The following SLC23A2 variants were observed in gnomAD, a reference collection of about 807,000 sequenced individuals.
SLC23A2 encodes solute carrier family 23 member 2, also known as Na(+)/L-ascorbic acid transporter 2.
A neutral mutation model predicts 73.3 loss-of-function variants in SLC23A2; 36 were observed. That is an observed-to-expected ratio of 0.49 (90% confidence interval 0.38 to 0.65). The LOEUF is 0.65. Among genes scored for constraint, SLC23A2 ranks in the 30% least tolerant of loss-of-function variants. The pLI is 0.00. For missense variants in SLC23A2, 507 were observed against 841.6 expected (o/e 0.60, Z 4.92); for synonymous variants, 343 against 327.3 (o/e 1.05, Z -0.52).
At position 4,925,515 on chromosome 20, in the gene SLC23A2, G is replaced by A. The variant is rs905561834; in HGVS notation, c.108+6940C>T. Among the ~76,000 whole-genome samples, 8 of 152,250 alleles carry A rather than the reference G, an allele frequency of 5.3e-5. 1 individual carries two copies. The highest frequency in any genetic ancestry group is 1.9e-4 in the African/African-American group (8 of 41,532). ...CAAAGCAGGTGCCCAATAACCATCT[G>A]CTGAATGGAAGAATTCCTTTCCTCC... On this transcript the variant is annotated intron_variant, in intron 3 of 16. Transcript: ENST00000338244.
At chr20:4,927,617 C>T (rs893338271) in intron 3 of SLC23A2, among the ~76,000 whole-genome samples, 3 of 152,180 alleles carry the variant, frequency 2.0e-5, no homozygotes, top group African/African-American at 7.2e-5. Context: ...CTTCCATCTT[C>T]CCCACCCTCC....
chr20:4,874,170 GGAA>G, intron 10 of SLC23A2, 78 bp from the exon 11 acceptor site: 1 of 1,395,500 alleles, frequency 7.2e-7, no homozygotes, highest in East Asian at 2.3e-5. Flanking sequence ...TCCCGCGGTC[GGAA>G]TATCACACCC....
intron 6 of SLC23A2, 38 bp from the exon 7 acceptor site, chr20:4,885,947 G>A (rs139616286): frequency 6.6e-5 from 92 of 1,385,284 alleles, no homozygotes; most frequent in Non-Finnish European, 8.8e-5. Context: ...TCACGGCATC[G>A]GGAACTACCG....
intron 1 of SLC23A2, among the ~76,000 whole-genome samples, chr20:4,972,487 A>C (rs947522441): frequency 1.3e-5 from 2 of 152,046 alleles, no homozygotes; most frequent in Admixed American, 6.6e-5. Context: ...ATGCAAGGAA[A>C]AAAAAAGTAG....
At chr20:4,979,672 T>C (rs1351636819) in intron 1 of SLC23A2, among the ~76,000 whole-genome samples, 1 of 152,228 alleles carries the variant, frequency 6.6e-6, no homozygotes, top group Admixed American at 6.5e-5. Flanking sequence ...AGCATTATTT[T>C]AGCAGACAAG....
chr20:4,986,689 C>CACACACACAGAGAG lies in SLC23A2; in HGVS notation c.-282+14716_-282+14717insCTCTCTGTGTGTGT, dbSNP rs71197739. On this transcript the variant is annotated intron_variant, in intron 1 of 16. Transcript: ENST00000338244. ...ACACACACACACACACACACACACACAGAGATGAATATAAATAGAGAGAAG... is the reference window on the plus strand; with the variant it reads ...ACACACACACACACACACACACACACACACACACAGAGAGAGAGATGAATATAAATAGAGAGAAG... 3.2e-4 allele frequency among the ~76,000 whole-genome samples: 41 copies of CACACACACAGAGAG among 129,962 alleles called. 1 individual carries two copies. Among genetic ancestry groups the CACACACACAGAGAG allele is most frequent in the East Asian group, 2.6e-3 (11 of 4,190 alleles). The allele number at this position is 129,962 out of a possible 152,430, so 85.3% of individuals were successfully genotyped here. A position where few individuals can be genotyped will look rare whatever the true frequency, so the allele number is the denominator to read the frequency against.
intron 2 of SLC23A2, among the ~76,000 whole-genome samples, chr20:4,960,459 C>T (rs1225997344): frequency 6.6e-6 from 1 of 152,136 alleles, no homozygotes; most frequent in East Asian, 1.9e-4. Context: ...GTTCATTATG[C>T]TATGTCAAGA....
intron 1 of SLC23A2, among the ~76,000 whole-genome samples, chr20:4,973,119 T>C (rs1339243353): frequency 2.6e-5 from 4 of 152,348 alleles, no homozygotes; most frequent in Admixed American, 2.6e-4. Context: ...GATAATTACA[T>C]AGTATGCATT....
At chr20:4,965,210 T>C (rs1313147724) in intron 2 of SLC23A2, among the ~76,000 whole-genome samples, 2 of 152,042 alleles carry the variant, frequency 1.3e-5, no homozygotes, top group Non-Finnish European at 2.9e-5. Flanking sequence ...GGAGCCTAAA[T>C]TTATCATTCC....
chr20:4,907,130 C>T (rs1282753278), intron 4 of SLC23A2, among the ~76,000 whole-genome samples: 1 of 152,272 alleles, frequency 6.6e-6, no homozygotes, highest in African/African-American at 2.4e-5. Context: ...CTGAGGAATA[C>T]CACACAGCGA....
intron 3 of SLC23A2, among the ~76,000 whole-genome samples, chr20:4,919,511 G>A (rs1282393514): frequency 5.9e-5 from 9 of 152,310 alleles, no homozygotes; most frequent in Non-Finnish European, 8.8e-5. Context: ...AGCAGAGCTC[G>A]GGCGGGTGAT....
intron 3 of SLC23A2, among the ~76,000 whole-genome samples, chr20:4,915,953 A>G (rs1932308238): frequency 6.6e-6 from 1 of 152,220 alleles, no homozygotes; most frequent in Non-Finnish European, 1.5e-5. Context: ...ATCTCAACAA[A>G]TAAAAAATAA....
At chr20:5,000,264 A>G (rs998075500) in intron 1 of SLC23A2, among the ~76,000 whole-genome samples, 3 of 152,132 alleles carry the variant, frequency 2.0e-5, no homozygotes, top group Non-Finnish European at 4.4e-5. Context: ...GTAGACAACC[A>G]GAAACGGTGA....
chr20:4,982,944 A>T (rs2087749652), intron 1 of SLC23A2, among the ~76,000 whole-genome samples: 1 of 152,058 alleles, frequency 6.6e-6, no homozygotes, highest in African/African-American at 2.4e-5. Flanking sequence ...TGTCTCTACT[A>T]AAAATACAAA....
intron 2 of SLC23A2, among the ~76,000 whole-genome samples, chr20:4,933,451 TA>T (rs113618856): frequency 0.14 from 20,098 of 145,726 alleles, 1,596 homozygotes; most frequent in African/African-American, 0.21. Flanking sequence ...CCGTCTCTAC[TA>T]AAAAAAAAAA....
intron 2 of SLC23A2, among the ~76,000 whole-genome samples, chr20:4,966,936 TG>T (rs11087665): frequency 0.4 from 60,554 of 151,020 alleles, 12,392 homozygotes; most frequent in Admixed American, 0.48. Context: ...GATTACATGA[TG>T]GGGAGCAGGT....
intron 4 of SLC23A2, among the ~76,000 whole-genome samples, chr20:4,903,421 T>A (rs930417696): frequency 7.2e-5 from 11 of 152,188 alleles, no homozygotes; most frequent in Non-Finnish European, 2.9e-5. Context: ...ACACAAATAA[T>A]CTTTCCTTGG....
At position 4,855,274 on chromosome 20, in the gene SLC23A2, A is replaced by T. The variant is rs1929672634; in HGVS notation, c.*1698T>A. The T allele has an allele frequency of 6.6e-6, 1 of 152,352 alleles. No homozygotes were observed. The highest frequency in any genetic ancestry group is 1.5e-5 in the Non-Finnish European group (1 of 68,122). The allele number at this position is 152,352 out of a possible 1,614,324, so 9.4% of individuals were successfully genotyped here. A position where few individuals can be genotyped will look rare whatever the true frequency, so the allele number is the denominator to read the frequency against. On this transcript the variant is annotated 3_prime_UTR_variant, in exon 17 of 17. Transcript: ENST00000338244. ...CGCCGCAGCACTGGAGAGCTGAGCC[A>T]GCCTGGGGCCGAGGGGGACAGGAAT... is the stretch of plus-strand genomic sequence containing the variant.
intron 3 of SLC23A2, among the ~76,000 whole-genome samples, chr20:4,926,480 G>A (rs1185625669): frequency 6.6e-6 from 1 of 150,940 alleles, no homozygotes; most frequent in African/African-American, 2.4e-5. Flanking sequence ...AATGTCCCTA[G>A]GGTACGATCG....
Sources: allele counts gnomAD v4.1 joint callset (sites outside exome capture counted in the v4.1 genomes callset), GRCh38; gene constraint gnomAD v4.1.1; transcripts MANE v1.5; gene names NCBI Gene and HGNC (gene_info 2026-07-23, HGNC 2026-07-21).